The following EPS8L1 variants were observed in gnomAD, a reference collection of about 807,000 sequenced individuals.
EPS8L1 encodes the protein epidermal growth factor receptor kinase substrate 8-like protein 1.
EPS8L1 carries 101 observed loss-of-function variants against 91.7 expected under a neutral mutation model. The ratio of observed to expected loss-of-function variants is 1.10; its 90% CI spans 0.94 to 1.30. The LOEUF (loss-of-function observed/expected upper bound fraction) is 1.30, where lower values mean the gene tolerates loss of function less well. Among genes scored for constraint, EPS8L1 ranks in the 50% most tolerant of loss-of-function variants. The probability of loss-of-function intolerance (pLI) is 0.00; values close to 1 mark genes in which losing one functional copy is unlikely to be tolerated. For synonymous variants in EPS8L1, 506 were observed against 445.3 expected (o/e 1.14, Z -1.72); for missense variants, 1,114 against 1,017.0 (o/e 1.10, Z -1.30).
chr19:55,079,509 T>G (rs1440591037), intron 4 of EPS8L1, 181 bp from the exon 5 acceptor site: 2 of 707,432 alleles, frequency 2.8e-6, no homozygotes, highest in Non-Finnish European at 4.6e-6. Flanking sequence ...TGCTAGTCAC[T>G]CTGATGAAAG....
At chr19:55,086,920 TTGATA>T (rs2076358996) in intron 18 of EPS8L1, 32 bp downstream of exon 18, 1 of 1,407,926 alleles carries the variant, frequency 7.1e-7, no homozygotes, top group Non-Finnish European at 9.2e-7. Flanking sequence ...TCGGCGCGGG[TTGATA>T]CGGACGCTGG....
At chr19:55,086,636 C>CCCCCCCCCCCCCCCCCCAGGGCCCCCGG in intron 17 of EPS8L1, 78 bp from the exon 18 acceptor site, 2 of 956,952 alleles carry the variant, frequency 2.1e-6, no homozygotes, top group Non-Finnish European at 2.9e-6. Flanking sequence ...CGCTGGAGCG[C>CCCCCCCCCCCCCCCCCCAGGGCCCCCGG]CCCCCCGCCC....
At chr19:55,076,028 G>T in intron 1 of EPS8L1, 109 bp downstream of exon 1, 1 of 190,242 alleles carries the variant, frequency 5.3e-6, no homozygotes, top group East Asian at 1.2e-4. Flanking sequence ...ACGGGCTGGG[G>T]GTCTGAACTC....
Position 55,083,475 on chromosome 19 carries a change from G to T in EPS8L1, c.1312G>T (p.Asp438Tyr). 6.2e-7 allele frequency: 1 copy of T among 1,612,502 alleles called. No individual in the cohort carries two copies. Among genetic ancestry groups the T allele is most frequent in the Non-Finnish European group, 8.5e-7 (1 of 1,179,730 alleles). ...TGACCCGCAGAGCCGCGCCTGGGAG[G>T]ACCCAGTTGAGAAACAGCTACAGCA... is the stretch of plus-strand genomic sequence containing the variant. ...VTDPQSRAWE[D>Y]PVEKQLQHER... Residue 438 changes from aspartate (D) to tyrosine (Y), a missense_variant, in exon 13 of 20, where the codon GAC (aspartate) becomes TAC (tyrosine). By Grantham distance (160) the Asp-to-Tyr change is radical. Transcript: ENST00000201647. This position sits in a 1 kb window ranked among gnomAD's most constrained non-coding sequence, Gnocchi z 4.7.
At chr19:55,085,138 A>C (rs186195848) in intron 14 of EPS8L1, among the ~76,000 whole-genome samples, 4 of 152,326 alleles carry the variant, frequency 2.6e-5, no homozygotes, top group African/African-American at 9.6e-5. Flanking sequence ...GTAACAGAAC[A>C]GTGCCCAGCA....
Position 55,082,191 on chromosome 19 carries a change from G to A in EPS8L1, c.990+11G>A. The A allele has an allele frequency of 6.3e-6, 10 of 1,588,922 alleles. No individual in the cohort carries two copies. The highest frequency in any genetic ancestry group is 1.7e-6 in the Non-Finnish European group (2 of 1,167,416). On this transcript the variant is annotated intron_variant, in intron 10 of 19. Coordinates refer to ENST00000201647, the MANE Select transcript of EPS8L1 (RefSeq NM_133180.3). ...GCCTTCAGCCTGCTGGTGAGGACGCGCCCGCCCCTGGGCCGGGGCGCGGGC... is the reference window on the plus strand; with the variant it reads ...GCCTTCAGCCTGCTGGTGAGGACGCACCCGCCCCTGGGCCGGGGCGCGGGC...
chr19:55,087,274 C>G (rs2147167110), intron 18 of EPS8L1, 29 bp from the exon 19 acceptor site: 1 of 1,575,524 alleles, frequency 6.3e-7, no homozygotes, highest in Non-Finnish European at 8.6e-7. Flanking sequence ...GCCGACCGGC[C>G]TGACCGCGCC....
chr19:55,087,470 G>A, intron 19 of EPS8L1, 35 bp downstream of exon 19: 1 of 1,614,158 alleles, frequency 6.2e-7, no homozygotes, highest in Non-Finnish European at 8.5e-7. Flanking sequence ...GTCTGGGTAG[G>A]GTTGGGATGA....
At position 55,079,945 on chromosome 19, in the gene EPS8L1, G is replaced by T. The variant is rs76480207; in HGVS notation, c.279+94G>T. On this transcript the variant is annotated intron_variant, in intron 5 of 19. Transcript: ENST00000201647. ...TGGCTCCTGCACGTCCTTCCTCTGG[G>T]AACTCTGGCGAGGGACCCCAGCCCC... 2,044 of 1,469,356 alleles carry T rather than the reference G, an allele frequency of 1.4e-3. 19 individuals are homozygous for T. In the South Asian group the frequency reaches 0.015, roughly 11 times the overall value. 91.0% of individuals were successfully genotyped at this position (1,469,356 alleles called of 1,614,324 possible). A position where few individuals can be genotyped will look rare whatever the true frequency, so the allele number is the denominator to read the frequency against.
chr19:55,080,121 C>A lies in EPS8L1; in HGVS notation c.280-8C>A. 1 of 1,480,826 alleles carries A rather than the reference C, an allele frequency of 6.8e-7. No homozygotes were observed. Among genetic ancestry groups the A allele is most frequent in the South Asian group, 1.3e-5 (1 of 74,276 alleles). 91.7% of individuals were successfully genotyped at this position (1,480,826 alleles called of 1,614,324 possible). ...GGCCTCAGTTTACCCCGCCATCCCA[C>A]CCGGCAGGAGGAGCTGGAGTCGTAC... On this transcript the variant is annotated splice_region_variant and splice_polypyrimidine_tract_variant and intron_variant, in intron 5 of 19. Coordinates refer to ENST00000201647, the MANE Select transcript of EPS8L1 (RefSeq NM_133180.3).
chr19:55,079,174 GC>G, intron 4 of EPS8L1, 117 bp downstream of exon 4: 1 of 1,117,400 alleles, frequency 8.9e-7, no homozygotes, highest in Non-Finnish European at 1.4e-6. Flanking sequence ...AAGTCAGTTT[GC>G]CCATCCATAA....
In EPS8L1 at chr19:55,081,953, TC is replaced by T; in HGVS notation, c.901+58del. 6.4e-7 allele frequency: 1 copy of T among 1,570,202 alleles called. No individual in the cohort carries two copies. The highest frequency in any genetic ancestry group is 8.6e-7 in the Non-Finnish European group (1 of 1,157,652). ...ACCCCCTCCCGATCTCTTCCAAATG[TC>T]CCCGCTCTCCCCAGGCTCTCCCCTC... On this transcript the variant is annotated intron_variant, in intron 9 of 19. Coordinates refer to ENST00000201647, the MANE Select transcript of EPS8L1 (RefSeq NM_133180.3). The surrounding 1 kb of genome is among the most constrained non-coding windows in gnomAD (Gnocchi z 4.9).
intron 18 of EPS8L1, 24 bp from the exon 19 acceptor site, chr19:55,087,279 C>G: frequency 6.3e-7 from 1 of 1,580,398 alleles, no homozygotes; most frequent in Non-Finnish European, 8.6e-7. Flanking sequence ...CCGGCCTGAC[C>G]GCGCCCGGGC....
rs776483758 is a variant in EPS8L1, at chr19:55,087,528, G to A, written c.2086G>A (p.Asp696Asn). Residue 696 changes from aspartate (D) to asparagine (N), a missense_variant and splice_region_variant, in exon 20 of 20, where the codon GAC (aspartate) becomes AAC (asparagine). Coordinates refer to ENST00000201647, the MANE Select transcript of EPS8L1 (RefSeq NM_133180.3). ...QVTVQRSLLE[D>N]KEKVSELEAV... ...AAGCGATTTCCACCCCGCCCTCCAG[G>A]ACAAAGAGAAAGTGTCAGAGCTGGA... is the stretch of plus-strand genomic sequence containing the variant. 1.2e-6 allele frequency: 2 copies of A among 1,614,184 alleles called. No individual in the cohort carries two copies. The highest frequency in any genetic ancestry group is 1.7e-6 in the Non-Finnish European group (2 of 1,180,024).
At chr19:55,076,578 C>A in intron 2 of EPS8L1, 117 bp downstream of exon 2, 1 of 1,224,882 alleles carries the variant, frequency 8.2e-7, no homozygotes, top group South Asian at 1.4e-5. Context: ...GACTCTGGCC[C>A]AAGCCCCGAC....
In EPS8L1 at chr19:55,083,478, C is replaced by T; in HGVS notation, c.1315C>T (p.Pro439Ser). The T allele has an allele frequency of 6.2e-7, 1 of 1,612,420 alleles. No homozygotes were observed. Among genetic ancestry groups the T allele is most frequent in the Non-Finnish European group, 8.5e-7 (1 of 1,179,702 alleles). The change falls in exon 13 of 20, where the codon CCA (proline) becomes TCA (serine). Residue 439 changes from proline (P) to serine (S), a missense_variant. By Grantham distance (74) the Pro-to-Ser change is moderately conservative (BLOSUM62 -1). Transcript: ENST00000201647. This position sits in a 1 kb window ranked among gnomAD's most constrained non-coding sequence, Gnocchi z 4.7. ...CCCGCAGAGCCGCGCCTGGGAGGAC[C>T]CAGTTGAGAAACAGCTACAGCACGA... ...TDPQSRAWED[P>S]VEKQLQHERR...
chr19:55,081,715 C>T lies in EPS8L1; in HGVS notation c.775-58C>T, dbSNP rs1211598395. ...GTATAGGTGCTCAGGTTCAGGGCTT[C>T]GACGGGGATGGTTTTGGAACTCGGG... On this transcript the variant is annotated intron_variant, in intron 8 of 19. Coordinates refer to ENST00000201647, the MANE Select transcript of EPS8L1 (RefSeq NM_133180.3). The surrounding 1 kb of genome is among the most constrained non-coding windows in gnomAD (Gnocchi z 4.9). 2 of 1,556,752 alleles carry T rather than the reference C, an allele frequency of 1.3e-6. No individual in the cohort carries two copies. The highest frequency in any genetic ancestry group is 1.7e-4 in the Middle Eastern group (1 of 5,730).
intron 16 of EPS8L1, 55 bp from the exon 17 acceptor site, chr19:55,086,337 G>A: frequency 1.2e-6 from 2 of 1,604,306 alleles, no homozygotes; most frequent in Non-Finnish European, 1.7e-6. Flanking sequence ...AAGGGGAGAG[G>A]CTGGGACTCT....
Position 55,087,729 on chromosome 19 carries a change from T to TGGTCTTCCCCCATCCCG in EPS8L1, c.*117_*133dup. On this transcript the variant is annotated 3_prime_UTR_variant, in exon 20 of 20. Transcript: ENST00000201647. The stretch of plus-strand genomic sequence containing the variant: ...AAGGATGGCCAATCTGCTCCGGCCC[T>TGGTCTTCCCCCATCCCG]GGTCTTCCCCCATCCCGGTGGACAG... The TGGTCTTCCCCCATCCCG allele has an allele frequency of 9.3e-7, 1 of 1,070,440 alleles. No homozygotes were observed. Among genetic ancestry groups the TGGTCTTCCCCCATCCCG allele is most frequent in the Non-Finnish European group, 1.4e-6 (1 of 713,968 alleles). 66.3% of individuals were successfully genotyped at this position (1,070,440 alleles called of 1,614,324 possible).
Sources: allele counts gnomAD v4.1 joint callset (sites outside exome capture counted in the v4.1 genomes callset), GRCh38; gene constraint gnomAD v4.1.1; non-coding constraint Gnocchi (gnomAD v3.1); transcripts MANE v1.5; gene names NCBI Gene and HGNC (gene_info 2026-07-23, HGNC 2026-07-21).